The following SLC35A3 variants were observed in gnomAD, a reference collection of about 807,000 sequenced individuals.
The protein encoded by SLC35A3 is UDP-N-acetylglucosamine transporter.
Under a neutral mutation model 39.0 loss-of-function variants are expected in SLC35A3, and 26 were observed. The observed-to-expected ratio is 0.67, with a 90% confidence interval of 0.49 to 0.92. The LOEUF (loss-of-function observed/expected upper bound fraction) is 0.92. Among genes scored for constraint, SLC35A3 ranks in the 40% least tolerant of loss-of-function variants. SLC35A3 has a pLI of 0.00. For synonymous variants in SLC35A3, 135 were observed against 133.1 expected (o/e 1.01, Z -0.10); for missense variants, 299 against 371.6 (o/e 0.80, Z 1.61).
chr1:99,978,021 T>C (rs1657223350), intron 1 of SLC35A3, among the ~76,000 whole-genome samples: 1 of 152,204 alleles, frequency 6.6e-6, no homozygotes, highest in Non-Finnish European at 1.5e-5. Flanking sequence ...CAATAAATTA[T>C]GTTTAAAGGA....
chr1:99,982,233 T>A (rs529990506), intron 1 of SLC35A3, among the ~76,000 whole-genome samples: 2 of 152,138 alleles, frequency 1.3e-5, no homozygotes, highest in East Asian at 3.9e-4. Context: ...ACCCCTGAGC[T>A]CAGGCAATCC....
intron 1 of SLC35A3, among the ~76,000 whole-genome samples, chr1:99,987,823 T>A (rs1046490288): frequency 2.0e-5 from 3 of 152,074 alleles, no homozygotes; most frequent in African/African-American, 7.2e-5. Context: ...AAAATTTAGG[T>A]AGAAGTTGGA....
chr1:100,005,588 A>AG (rs1659170055), intron 3 of SLC35A3, among the ~76,000 whole-genome samples: 1 of 152,158 alleles, frequency 6.6e-6, no homozygotes, highest in Non-Finnish European at 1.5e-5. Context: ...CCTGACTTCA[A>AG]GTTCAGAAAT....
intron 1 of SLC35A3, among the ~76,000 whole-genome samples, chr1:99,977,240 T>C (rs907444286): frequency 6.6e-6 from 1 of 151,644 alleles, no homozygotes; most frequent in African/African-American, 2.4e-5. Context: ...GCAGTAGGCC[T>C]GGTGCAGTGG....
chr1:100,035,443 C>A lies in SLC35A3; in HGVS notation c.*12967C>A, dbSNP rs901956238. On this transcript the variant is annotated 3_prime_UTR_variant, in exon 8 of 8. Coordinates refer to ENST00000533028, the MANE Select transcript of SLC35A3 (RefSeq NM_012243.3). ...TCATTGCAGCCTTTCTAGCACAAAG[C>A]CTGGGACATTCTGGACATTTAGTAT... 3 of 152,276 alleles carry A rather than the reference C, an allele frequency of 2.0e-5. No homozygotes were observed. The highest frequency in any genetic ancestry group is 4.4e-5 in the Non-Finnish European group (3 of 68,014). 9.4% of individuals were successfully genotyped at this position (152,276 alleles called of 1,614,324 possible). A position where few individuals can be genotyped will look rare whatever the true frequency, so the allele number is the denominator to read the frequency against.
chr1:100,022,281 C>T (rs1660601027), intron 7 of SLC35A3, 105 bp from the exon 8 acceptor site: 1 of 598,960 alleles, frequency 1.7e-6, no homozygotes, highest in Admixed American at 3.4e-5. Flanking sequence ...GTTACTGGAA[C>T]ATTTTTCCCC....
rs950630834 is a variant in SLC35A3, at chr1:100,031,347, G to A, written c.*8871G>A. 2.0e-5 allele frequency: 3 copies of A among 152,076 alleles called. No homozygotes were observed. Among genetic ancestry groups the A allele is most frequent in the Non-Finnish European group, 4.4e-5 (3 of 68,020 alleles). 9.4% of individuals were successfully genotyped at this position (152,076 alleles called of 1,614,324 possible). A position where few individuals can be genotyped will look rare whatever the true frequency, so the allele number is the denominator to read the frequency against. On this transcript the variant is annotated 3_prime_UTR_variant, in exon 8 of 8. Transcript: ENST00000533028. ...GCCACACTAGCTTTATCTCTGTTGG[G>A]ACACTTTACCCCTACATACTCCAGC...
chr1:99,982,523 G>T (rs1657519235), intron 1 of SLC35A3, among the ~76,000 whole-genome samples: 1 of 152,002 alleles, frequency 6.6e-6, no homozygotes, highest in African/African-American at 2.4e-5. Flanking sequence ...CTCGTAGTTG[G>T]CTGATAAAAC....
intron 6 of SLC35A3, among the ~76,000 whole-genome samples, chr1:100,016,664 C>T (rs1042569802): frequency 3.9e-5 from 6 of 152,108 alleles, no homozygotes; most frequent in African/African-American, 7.2e-5. Flanking sequence ...TGAGCCACCT[C>T]GCCTGGCCCG....
intron 4 of SLC35A3, among the ~76,000 whole-genome samples, chr1:100,010,344 GA>G (rs1430549922): frequency 2.6e-5 from 4 of 152,174 alleles, no homozygotes; most frequent in Non-Finnish European, 5.9e-5. Context: ...CATATTGATT[GA>G]AAAGTCTTTG....
chr1:100,013,408 T>C (rs1450237294), intron 5 of SLC35A3, among the ~76,000 whole-genome samples: 3 of 148,794 alleles, frequency 2.0e-5, no homozygotes, highest in Non-Finnish European at 3.0e-5. Context: ...AGCTTAGGAA[T>C]TGGAGACCAG....
chr1:99,994,176 A>C (rs1212354684), intron 2 of SLC35A3, among the ~76,000 whole-genome samples: 1 of 152,114 alleles, frequency 6.6e-6, no homozygotes. Context: ...ATGTGTTTAA[A>C]GTATATTATT....
chr1:100,009,786 G>T (rs1659493476), intron 4 of SLC35A3, among the ~76,000 whole-genome samples: 1 of 152,156 alleles, frequency 6.6e-6, no homozygotes. Flanking sequence ...AAGTTTGAAT[G>T]GTGGCATTTT....
rs146467291 is a variant in SLC35A3, at chr1:100,013,482, G to A, written c.635-1820G>A. ...AAAAAAATTAGCTGGGTGTGGTAGC[G>A]TGTGCCTGTGGTCCAAGCTACTTCG... On this transcript the variant is annotated intron_variant, in intron 5 of 7. Transcript: ENST00000533028. Among the ~76,000 whole-genome samples, 386 of 150,012 alleles carry A rather than the reference G, an allele frequency of 2.6e-3. 2 individuals are homozygous for A. The highest frequency in any genetic ancestry group is 6.9e-3 in the African/African-American group (281 of 40,824).
At chr1:100,001,303 T>C (rs1214385421) in intron 3 of SLC35A3, among the ~76,000 whole-genome samples, 1 of 152,166 alleles carries the variant, frequency 6.6e-6, no homozygotes, top group Admixed American at 6.5e-5. Flanking sequence ...TTTGGTAATA[T>C]GGTGATTTTA....
chr1:99,993,669 T>A lies in SLC35A3; in HGVS notation c.115T>A (p.Ser39Thr), dbSNP rs1463447525. The change falls in exon 2 of 8, where the codon TCT becomes ACT. Residue 39 changes from serine (S) to threonine (T), a missense_variant. Ser to Thr is a moderately conservative substitution (Grantham distance 58). Transcript: ENST00000533028. The stretch of plus-strand genomic sequence containing the variant: ...AAAAGAAGAAGGACCTCGTTATCTA[T>A]CTTCTACAGCAGTGGTTGTTGCTGA... Reference protein sequence around the residue: ...TLKEEGPRYLSSTAVVVAELL... With the variant: ...TLKEEGPRYLTSTAVVVAELL... 6.2e-7 allele frequency: 1 copy of A among 1,614,102 alleles called. No individual in the cohort carries two copies.
chr1:100,008,121 T>G (rs1659374091), intron 4 of SLC35A3: 1 of 151,980 alleles, frequency 6.6e-6, no homozygotes. Flanking sequence ...CCGGCTAATT[T>G]TTTGTATTTT....
chr1:100,001,493 T>C (rs975777585), intron 3 of SLC35A3, among the ~76,000 whole-genome samples: 3 of 152,148 alleles, frequency 2.0e-5, no homozygotes, highest in African/African-American at 7.2e-5. Flanking sequence ...TTATTTCTTT[T>C]TCAGCTAGCT....
At chr1:100,002,752 G>A (rs1413270713) in intron 3 of SLC35A3, among the ~76,000 whole-genome samples, 3 of 151,884 alleles carry the variant, frequency 2.0e-5, no homozygotes, top group Non-Finnish European at 2.9e-5. Context: ...GAATAGCTGA[G>A]AATATAGGCA....
Sources: gnomAD v4.1 joint callset for allele counts (sites outside exome capture counted in the v4.1 genomes callset) on GRCh38, gnomAD v4.1.1 for gene constraint, MANE v1.5 for transcripts, NCBI Gene and HGNC (gene_info 2026-07-23, HGNC 2026-07-21) for gene names.